Variants in RBMS3 observed in about 807,000 individuals in gnomAD.
RBMS3 encodes the protein RNA-binding motif, single-stranded-interacting protein 3.
A neutral mutation model predicts 66.8 loss-of-function variants in RBMS3; 27 were observed. The observed-to-expected ratio is 0.40, with a 90% confidence interval of 0.30 to 0.56. The LOEUF is 0.56. RBMS3 is among the 20% of genes least tolerant of loss of function. The pLI, the probability that RBMS3 is intolerant of heterozygous loss-of-function variation, is 0.40. For synonymous variants in RBMS3, 188 were observed against 183.0 expected (o/e 1.03, Z -0.22); for missense variants, 513 against 549.5 (o/e 0.93, Z 0.66).
At chr3:29,526,357 A>G (rs1381416192) in intron 3 of RBMS3, 13 of 151,376 alleles carry the variant, frequency 8.6e-5, no homozygotes, top group Admixed American at 8.6e-4. Context: ...CGTCTCTACT[A>G]AAAAATACAA....
intron 1 of RBMS3, among the ~76,000 whole-genome samples, chr3:29,325,054 C>A (rs1045987507): frequency 2.0e-5 from 3 of 152,058 alleles, no homozygotes; most frequent in African/African-American, 7.2e-5. Context: ...ACTTGAATGT[C>A]CATTAATAGG....
At chr3:29,451,294 C>T (rs1026689034) in intron 2 of RBMS3, among the ~76,000 whole-genome samples, 1 of 152,010 alleles carries the variant, frequency 6.6e-6, no homozygotes, top group African/African-American at 2.4e-5. Flanking sequence ...AATGCTGAAC[C>T]AAATAGTTGA....
chr3:29,493,437 C>G lies in RBMS3; in HGVS notation c.307+4938C>G, dbSNP rs573698421. Among the ~76,000 whole-genome samples, 3 of 152,220 alleles carry G rather than the reference C, an allele frequency of 2.0e-5. No individual in the cohort carries two copies. In the South Asian group the frequency reaches 6.2e-4, roughly 32 times the overall value. On this transcript the variant is annotated intron_variant, in intron 3 of 14. Transcript: ENST00000383767. The stretch of plus-strand genomic sequence containing the variant: ...GAACATCAGCAAAGTAATAACAGAG[C>G]CTCACTCACAGTGTGTTGTGATGAT...
intron 1 of RBMS3, among the ~76,000 whole-genome samples, chr3:29,378,014 C>T (rs1423823559): frequency 2.6e-5 from 4 of 152,168 alleles, no homozygotes; most frequent in African/African-American, 9.7e-5. Context: ...CCCAATTCCT[C>T]TTATTGAGCA....
chr3:29,794,315 G>A (rs760664737), intron 6 of RBMS3, among the ~76,000 whole-genome samples: 23 of 152,134 alleles, frequency 1.5e-4, no homozygotes, highest in Non-Finnish European at 2.5e-4. Flanking sequence ...GGCGGGGCAC[G>A]GTGGCTCACG....
chr3:29,600,096 C>T (rs1408579443), intron 4 of RBMS3, among the ~76,000 whole-genome samples: 3 of 151,930 alleles, frequency 2.0e-5, no homozygotes, highest in East Asian at 3.9e-4. Context: ...GATAAAGTTA[C>T]GAATTGTTGT....
chr3:29,987,220 G>A (rs1477061327), intron 12 of RBMS3, among the ~76,000 whole-genome samples: 1 of 152,124 alleles, frequency 6.6e-6, no homozygotes, highest in African/African-American at 2.4e-5. Flanking sequence ...CAGTTTTGAT[G>A]TTTTGTGTTA....
At chr3:29,347,154 G>A (rs928870139) in intron 1 of RBMS3, among the ~76,000 whole-genome samples, 3 of 152,120 alleles carry the variant, frequency 2.0e-5, no homozygotes, top group Non-Finnish European at 4.4e-5. Context: ...AAATAATGGG[G>A]AAGTCATAAA....
chr3:29,297,564 T>C (rs181062167), intron 1 of RBMS3, among the ~76,000 whole-genome samples: 230 of 152,010 alleles, frequency 1.5e-3, no homozygotes, highest in Non-Finnish European at 2.3e-3. Context: ...GTATTTCTTA[T>C]ACTTCTTACA....
At chr3:29,642,980 G>C (rs1017128358) in intron 4 of RBMS3, among the ~76,000 whole-genome samples, 2 of 152,116 alleles carry the variant, frequency 1.3e-5, no homozygotes, top group Non-Finnish European at 2.9e-5. Context: ...CAGAGATTAA[G>C]CCTGTCTGGC....
At chr3:29,294,911 G>GT (rs1266745848) in intron 1 of RBMS3, among the ~76,000 whole-genome samples, 1 of 151,604 alleles carries the variant, frequency 6.6e-6, no homozygotes, top group Non-Finnish European at 1.5e-5. Flanking sequence ...ACCCAGATGG[G>GT]TTTTTTAACT....
At chr3:29,875,601 T>A (rs991504436) in intron 7 of RBMS3, among the ~76,000 whole-genome samples, 1 of 152,070 alleles carries the variant, frequency 6.6e-6, no homozygotes, top group Middle Eastern at 3.2e-3. Context: ...AATTCAGCCA[T>A]TTAAATTGAG....
At chr3:29,905,022 T>A (rs2149618075) in intron 10 of RBMS3, among the ~76,000 whole-genome samples, 1 of 152,204 alleles carries the variant, frequency 6.6e-6, no homozygotes, top group Admixed American at 6.6e-5. Flanking sequence ...GGTATTTATG[T>A]ATTCAAATGT....
intron 1 of RBMS3, among the ~76,000 whole-genome samples, chr3:29,358,543 C>T (rs1309757579): frequency 3.3e-5 from 5 of 151,144 alleles, no homozygotes; most frequent in Admixed American, 6.6e-5. Context: ...TTTGTTGGTT[C>T]CATATGAACT....
intron 8 of RBMS3, among the ~76,000 whole-genome samples, chr3:29,892,273 A>G (rs1164905512): frequency 6.6e-6 from 1 of 151,502 alleles, no homozygotes; most frequent in Non-Finnish European, 1.5e-5. Flanking sequence ...TCTCTTAGCC[A>G]CTTTGCATTT....
rs1322367852 is a variant in RBMS3 at position 29,438,992 on chromosome 3, C to G, written c.248+4077C>G. On this transcript the variant is annotated intron_variant, in intron 2 of 14. Coordinates refer to ENST00000383767, the MANE Select transcript of RBMS3 (RefSeq NM_001003793.3). ...TATCTCTGAGGAAGTGACAATTGAGCTAAGATTAGAAGGATAAATAGATTT... is the reference window on the plus strand; with the variant it reads ...TATCTCTGAGGAAGTGACAATTGAGGTAAGATTAGAAGGATAAATAGATTT... Among the ~76,000 whole-genome samples, 4 of 152,114 alleles carry G rather than the reference C, an allele frequency of 2.6e-5. No homozygotes were observed. In the East Asian group the frequency reaches 5.8e-4, roughly 22 times the overall value.
At chr3:29,892,843 G>GTATGTATGTATTTATTTATTTATT (rs1336972891) in intron 8 of RBMS3, among the ~76,000 whole-genome samples, 1 of 137,434 alleles carries the variant, frequency 7.3e-6, no homozygotes, top group African/African-American at 2.9e-5. Flanking sequence ...ATGTATGTAT[G>GTATGTATGTATTTATTTATTTATT]TATTTATTTA....
At chr3:29,760,592 A>T (rs1225049664) in intron 5 of RBMS3, among the ~76,000 whole-genome samples, 3 of 151,924 alleles carry the variant, frequency 2.0e-5, no homozygotes, top group Non-Finnish European at 2.9e-5. Flanking sequence ...ACAATAGTGG[A>T]TCCTGTGGGA....
chr3:29,743,208 TTAAC>T (rs2054719193), intron 5 of RBMS3, among the ~76,000 whole-genome samples: 1 of 152,246 alleles, frequency 6.6e-6, no homozygotes, highest in African/African-American at 2.4e-5. Flanking sequence ...GGCTTTTGCC[TTAAC>T]TAATTTGATC....
Sources: allele counts gnomAD v4.1 joint callset (sites outside exome capture counted in the v4.1 genomes callset), GRCh38; gene constraint gnomAD v4.1.1; transcripts MANE v1.5; gene names NCBI Gene and HGNC (gene_info 2026-07-23, HGNC 2026-07-21).